ASCC2: variants seen among roughly 807,000 people sequenced by gnomAD.
ASCC2 encodes ASC-1 complex subunit P100.
ASCC2 carries 42 observed loss-of-function variants against 93.5 expected under a neutral mutation model. The ratio of observed to expected loss-of-function variants is 0.45; its 90% CI spans 0.35 to 0.58. ASCC2 has a LOEUF of 0.58. Among genes scored for constraint, ASCC2 ranks in the 20% least tolerant of loss-of-function variants. ASCC2 has a pLI of 0.00. For synonymous variants in ASCC2, 364 were observed against 384.2 expected, an observed-to-expected ratio of 0.95 and a Z score of 0.62; for missense variants, 859 against 977.6, an observed-to-expected ratio of 0.88 and a Z score of 1.62.
At chr22:29,794,872 A>G (rs906660059) in intron 15 of ASCC2, among the ~76,000 whole-genome samples, 10 of 152,234 alleles carry the variant, frequency 6.6e-5, no homozygotes, top group Admixed American at 6.5e-4. Context: ...ACGCCTATGC[A>G]TGACAATGCA....
At chr22:29,806,703 T>C in intron 10 of ASCC2, 94 bp downstream of exon 10, 3 of 1,426,136 alleles carry the variant, frequency 2.1e-6, no homozygotes, top group South Asian at 1.2e-5. Flanking sequence ...CCAACCCCAG[T>C]GCAGTGGAGG....
intron 1 of ASCC2, among the ~76,000 whole-genome samples, chr22:29,833,095 A>C (rs2148403586): frequency 6.6e-6 from 1 of 152,206 alleles, no homozygotes; most frequent in East Asian, 1.9e-4. Flanking sequence ...ACCCACTTTG[A>C]GAAGTACTGG....
At chr22:29,794,459 T>A (rs1413881429) in intron 15 of ASCC2, among the ~76,000 whole-genome samples, 1 of 151,850 alleles carries the variant, frequency 6.6e-6, no homozygotes, top group Non-Finnish European at 1.5e-5. Flanking sequence ...GCCACTGCAC[T>A]CCAGCCTGGG....
chr22:29,819,611 G>A (rs2061320100), intron 5 of ASCC2, among the ~76,000 whole-genome samples: 1 of 152,138 alleles, frequency 6.6e-6, no homozygotes, highest in African/African-American at 2.4e-5. Context: ...GTGTGAATTA[G>A]GCAGTTCGAT....
chr22:29,826,955 G>A (rs1277732938), intron 2 of ASCC2, among the ~76,000 whole-genome samples: 2 of 151,654 alleles, frequency 1.3e-5, no homozygotes, highest in African/African-American at 2.4e-5. Flanking sequence ...AAAATTAGCC[G>A]GGCATGGTGG....
intron 1 of ASCC2, chr22:29,833,582 C>T (rs908344246): frequency 2.1e-6 from 1 of 470,968 alleles, no homozygotes; most frequent in Non-Finnish European, 4.4e-6. Flanking sequence ...TCCTGTCTTG[C>T]TGTCCAGTGT....
chr22:29,802,335 G>A, intron 13 of ASCC2, 127 bp from the exon 14 acceptor site: 1 of 899,788 alleles, frequency 1.1e-6, no homozygotes, highest in Non-Finnish European at 1.7e-6. Flanking sequence ...CCTCCTGCCT[G>A]TGGGAACTTT....
At chr22:29,833,417 A>C in intron 1 of ASCC2, 1 of 347,538 alleles carries the variant, frequency 2.9e-6, no homozygotes, top group South Asian at 2.2e-5. Flanking sequence ...GAACGACATG[A>C]GAAGAAGGGA....
chr22:29,832,462 C>A (rs1433999506), intron 1 of ASCC2, 120 bp from the exon 2 acceptor site: 8 of 760,728 alleles, frequency 1.1e-5, no homozygotes, highest in Non-Finnish European at 1.7e-5. Flanking sequence ...TAGGAGGCTC[C>A]TGTTGTGGTT....
At position 29,793,673 on chromosome 22, in the gene ASCC2, G is replaced by C. The variant is rs1167204132; in HGVS notation, c.1692C>G (p.Thr564=). The C allele has an allele frequency of 2.6e-6, 4 of 1,560,650 alleles. No homozygotes were observed. The highest frequency in any genetic ancestry group is 3.5e-6 in the Non-Finnish European group (4 of 1,154,166). The change falls in exon 16 of 20, where the codon ACC becomes ACG. Residue 564 remains threonine, a synonymous_variant. Transcript: ENST00000307790. ...AACTCCGCGTGTTTTCCTCCTTCCT[G>C]GTGCTGAGAAGGAACAGCAGAAAGA... ...DLSRVHKGKS[T]RKEENTRSLL...
intron 7 of ASCC2, 118 bp downstream of exon 7, chr22:29,814,539 C>T (rs2060619154): frequency 1.4e-6 from 1 of 721,396 alleles, no homozygotes; most frequent in Non-Finnish European, 2.2e-6. Context: ...GGAAGGGGCC[C>T]TGGGCAGGGA....
chr22:29,790,427 G>A (rs1395743958), intron 19 of ASCC2, 42 bp downstream of exon 19: 1 of 1,603,388 alleles, frequency 6.2e-7, no homozygotes, highest in African/African-American at 1.3e-5. Context: ...CTCCCCAGAT[G>A]GTGGGAGGGG....
chr22:29,806,170 C>G, intron 12 of ASCC2, 46 bp downstream of exon 12: 3 of 1,590,374 alleles, frequency 1.9e-6, no homozygotes, highest in Non-Finnish European at 2.6e-6. Flanking sequence ...CACCTCTGAC[C>G]TAGTCAAGCT....
chr22:29,808,331 C>T, intron 8 of ASCC2, 146 bp from the exon 9 acceptor site: 1 of 800,238 alleles, frequency 1.2e-6, no homozygotes, highest in South Asian at 1.7e-5. Flanking sequence ...CTTCCCTGAG[C>T]TCACCCCAGA....
chr22:29,824,251 TACACACACACACACACACACAC>T (rs60849755), intron 4 of ASCC2, among the ~76,000 whole-genome samples: 2 of 146,456 alleles, frequency 1.4e-5, no homozygotes, highest in African/African-American at 2.6e-5. Context: ...ATTTTTTAAA[TACACACACACACACACACACAC>T]ACACACACAC....
chr22:29,804,863 C>A, intron 12 of ASCC2, 33 bp from the exon 13 acceptor site: 1 of 1,599,994 alleles, frequency 6.3e-7, no homozygotes, highest in Non-Finnish European at 8.6e-7. Context: ...CTGTCTTAAG[C>A]TCCTAGCTCT....
chr22:29,831,665 T>G (rs74776302), intron 2 of ASCC2, among the ~76,000 whole-genome samples: 388 of 152,230 alleles, frequency 2.5e-3, no homozygotes, highest in African/African-American at 8.8e-3. Context: ...CAGGGCTACA[T>G]CTATCTCCTT....
intron 7 of ASCC2, among the ~76,000 whole-genome samples, chr22:29,813,977 T>C (rs1409444485): frequency 2.0e-5 from 3 of 152,240 alleles, no homozygotes; most frequent in African/African-American, 4.8e-5. Context: ...CACACTTTCC[T>C]GGTTCTCATG....
chr22:29,797,153 G>C (rs2058540981), intron 15 of ASCC2, among the ~76,000 whole-genome samples: 3 of 152,210 alleles, frequency 2.0e-5, no homozygotes, highest in African/African-American at 7.2e-5. Context: ...AGATGCATCA[G>C]AGGCCAGAAC....
Sources: allele counts gnomAD v4.1 joint callset (sites outside exome capture counted in the v4.1 genomes callset), GRCh38; gene constraint gnomAD v4.1.1; transcripts MANE v1.5; gene names NCBI Gene and HGNC (gene_info 2026-07-23, HGNC 2026-07-21).